Variants in PDE4D observed in about 807,000 individuals in gnomAD.
PDE4D encodes phosphodiesterase 4D, also known as 3',5'-cyclic-AMP phosphodiesterase 4D.
A neutral mutation model predicts 87.4 loss-of-function variants in PDE4D; 24 were observed. The observed-to-expected ratio is 0.27, with a 90% CI of 0.20 to 0.39. The LOEUF is 0.39. PDE4D is among the 10% of genes least tolerant of loss of function. The pLI, the probability that PDE4D is intolerant of heterozygous loss-of-function variation, is 1.00. For synonymous variants in PDE4D, 384 were observed against 383.2 expected, an observed-to-expected ratio of 1.00 and a Z score of -0.02; for missense variants, 714 against 1,041.0, an observed-to-expected ratio of 0.69 and a Z score of 4.32.
intron 1 of PDE4D, among the ~76,000 whole-genome samples, chr5:59,228,451 A>C (rs901797221): frequency 2.7e-5 from 4 of 149,372 alleles, no homozygotes; most frequent in African/African-American, 9.9e-5. Context: ...AAAAAAAAAA[A>C]CAAGCAAGCA....
rs189446597 is a variant in PDE4D at position 59,377,589 on chromosome 5, G to T, written c.456-161621C>A. Among the ~76,000 whole-genome samples the T allele has an allele frequency of 3.5e-4, 53 of 152,138 alleles. No homozygotes were observed. In the East Asian group the frequency reaches 9.3e-3, roughly 27 times the overall value. On this transcript the variant is annotated intron_variant, in intron 1 of 14. Transcript: ENST00000340635. The stretch of plus-strand genomic sequence containing the variant: ...AATTTTTGCAAACTATTCAACAAAG[G>T]TCTAATATCTAGCATCTATAAGGAA...
chr5:59,363,586 A>G (rs1315426151), intron 1 of PDE4D, among the ~76,000 whole-genome samples: 1 of 152,250 alleles, frequency 6.6e-6, no homozygotes. Context: ...TATAAGATCT[A>G]CATGTTACTT....
chr5:59,413,318 CGTAGTGGTGGGGGCCT>C, intron 1 of PDE4D, among the ~76,000 whole-genome samples: 1 of 151,712 alleles, frequency 6.6e-6, no homozygotes, highest in East Asian at 1.9e-4. Flanking sequence ...ATTAGCCGGG[CGTAGTGGTGGGGGCCT>C]GTAGTCCCAG....
Position 58,974,996 on chromosome 5 carries a change from T to C in PDE4D, c.2098A>G (p.Thr700Ala), listed in dbSNP as rs1246873572. Reference protein sequence around the residue: ...VHPDAQDILDTLEDNREWYQS... With the variant: ...VHPDAQDILDALEDNREWYQS... The stretch of plus-strand genomic sequence containing the variant: ...TACCATTCACGATTGTCCTCCAAAG[T>C]GTCCAAAATATCCTGGGCGTCAGGG... The change falls in exon 15 of 15, where the codon ACT becomes GCT. Residue 700 changes from threonine to alanine, a missense_variant. Coordinates refer to ENST00000340635, the MANE Select transcript of PDE4D (RefSeq NM_001104631.2). 2.9e-5 allele frequency: 46 copies of C among 1,610,220 alleles called. No individual in the cohort carries two copies. Among genetic ancestry groups the C allele is most frequent in the Non-Finnish European group, 3.7e-5 (44 of 1,177,148 alleles).
intron 1 of PDE4D, chr5:59,314,513 T>C (rs1475572706): frequency 1.3e-5 from 2 of 152,128 alleles, no homozygotes; most frequent in African/African-American, 4.8e-5. Context: ...AACTCAAGGC[T>C]TCACTGAATT....
At chr5:59,647,634 A>T (rs298023) in intron 1 of PDE4D, among the ~76,000 whole-genome samples, 138,307 of 152,106 alleles carry the variant, frequency 0.91, 63,077 homozygotes, top group East Asian at 1. Context: ...CTGAAGAAGG[A>T]TGGAAGCTGA....
chr5:59,643,966 C>T (rs985472553), intron 1 of PDE4D, among the ~76,000 whole-genome samples: 2 of 152,118 alleles, frequency 1.3e-5, no homozygotes, highest in African/African-American at 4.8e-5. Context: ...AAATGTTATG[C>T]ACTTCAAGAA....
chr5:59,776,850 G>T (rs181866316), intron 1 of PDE4D, among the ~76,000 whole-genome samples: 59 of 150,112 alleles, frequency 3.9e-4, no homozygotes, highest in South Asian at 4.2e-4. Flanking sequence ...TAATTTTAAT[G>T]AATGTTTCAC....
intron 5 of PDE4D, among the ~76,000 whole-genome samples, chr5:59,144,300 CT>C (rs1482153281): frequency 6.6e-6 from 1 of 152,174 alleles, no homozygotes; most frequent in Non-Finnish European, 1.5e-5. Context: ...TCTGGTTTCA[CT>C]TTCCTTGTTT....
intron 1 of PDE4D, among the ~76,000 whole-genome samples, chr5:60,286,641 CAT>C (rs973664892): frequency 1.2e-4 from 18 of 152,124 alleles, no homozygotes; most frequent in African/African-American, 4.1e-4. Flanking sequence ...CATTTTTATT[CAT>C]ATGTTTTATG....
intron 5 of PDE4D, among the ~76,000 whole-genome samples, chr5:59,106,489 G>A (rs780858916): frequency 2.2e-4 from 33 of 152,298 alleles, no homozygotes; most frequent in Admixed American, 3.3e-4. Flanking sequence ...TAGGCCGGGC[G>A]TGGTGACTCA....
At chr5:59,557,966 T>C (rs1441787822) in intron 1 of PDE4D, among the ~76,000 whole-genome samples, 1 of 152,202 alleles carries the variant, frequency 6.6e-6, no homozygotes. Flanking sequence ...TAAAATTATG[T>C]ATATTTAATA....
chr5:60,242,572 AC>A (rs1402437911), intron 1 of PDE4D, among the ~76,000 whole-genome samples: 1 of 152,166 alleles, frequency 6.6e-6, no homozygotes, highest in Non-Finnish European at 1.5e-5. Flanking sequence ...AGGACAGACC[AC>A]ATGTTAGGTC....
chr5:60,015,067 C>T (rs975063895), intron 2 of PDE4D, among the ~76,000 whole-genome samples: 1 of 152,086 alleles, frequency 6.6e-6, no homozygotes, highest in African/African-American at 2.4e-5. Context: ...TTCTTGCTAG[C>T]GATACAACAA....
At chr5:60,137,892 TTCTTCC>T (rs1295208064) in intron 2 of PDE4D, among the ~76,000 whole-genome samples, 1 of 152,178 alleles carries the variant, frequency 6.6e-6, no homozygotes, top group Admixed American at 6.6e-5. Context: ...TGCCCAGATT[TTCTTCC>T]AGGATTTTTA....
intron 1 of PDE4D, among the ~76,000 whole-genome samples, chr5:59,425,330 G>A (rs1488985986): frequency 6.6e-6 from 1 of 152,078 alleles, no homozygotes; most frequent in Non-Finnish European, 1.5e-5. Context: ...ATTCACATAA[G>A]GTTTTTTCCA....
chr5:59,843,831 A>G (rs1054692714), intron 1 of PDE4D, among the ~76,000 whole-genome samples: 1 of 152,106 alleles, frequency 6.6e-6, no homozygotes, highest in Non-Finnish European at 1.5e-5. Context: ...AGTTCAGCCT[A>G]CTTGCTTGCA....
rs527912755 is a variant in PDE4D at position 59,879,737 on chromosome 5, T to C, written c.455+13431A>G. ...CAACACTGCTATATGTTATTGTTTT[T>C]GGGTTTTTTTGTTGTTTTTTGAGAC... On this transcript the variant is annotated intron_variant, in intron 1 of 14. Transcript: ENST00000340635. Among the ~76,000 whole-genome samples, 3 of 152,304 alleles carry C rather than the reference T, an allele frequency of 2.0e-5. No homozygotes were observed. The South Asian group carries it at 6.2e-4, about 32-fold the overall frequency.
At chr5:60,357,388 T>G (rs890279950) in intron 1 of PDE4D, among the ~76,000 whole-genome samples, 3 of 150,466 alleles carry the variant, frequency 2.0e-5, no homozygotes, top group Non-Finnish European at 4.4e-5. Context: ...GTTGTCTTTG[T>G]AAAAAAAAAA....
Sources: gnomAD v4.1 joint callset for allele counts (sites outside exome capture counted in the v4.1 genomes callset) on GRCh38, gnomAD v4.1.1 for gene constraint, MANE v1.5 for transcripts, NCBI Gene and HGNC (gene_info 2026-07-23, HGNC 2026-07-21) for gene names.